Variants in CRY2 observed in about 807,000 individuals in gnomAD.
CRY2 encodes cryptochrome circadian regulator 2.
CRY2 carries 31 observed loss-of-function variants against 69.5 expected under a neutral mutation model. That is an observed-to-expected ratio of 0.45 (90% confidence interval 0.34 to 0.60). The LOEUF (loss-of-function observed/expected upper bound fraction) is 0.60. Ranked by LOEUF, CRY2 falls within the 20% of genes least tolerant of loss-of-function variation. The probability of loss-of-function intolerance (pLI) is 0.02; values close to 1 mark genes in which losing one functional copy is unlikely to be tolerated. For synonymous variants in CRY2, 303 were observed against 312.2 expected (o/e 0.97, Z 0.31); for missense variants, 606 against 797.8 (o/e 0.76, Z 2.90).
intron 5 of CRY2, among the ~76,000 whole-genome samples, chr11:45,865,071 T>C (rs2086319351): frequency 6.6e-6 from 1 of 152,064 alleles, no homozygotes; most frequent in Non-Finnish European, 1.5e-5. Flanking sequence ...GAAATAAAGT[T>C]TTTTAAATGG....
At chr11:45,875,001 A>G (rs1038918449) in intron 11 of CRY2, among the ~76,000 whole-genome samples, 1 of 152,188 alleles carries the variant, frequency 6.6e-6, no homozygotes, top group Admixed American at 6.5e-5. Context: ...AAAGTTGAGT[A>G]AGAAAGTAAG....
intron 4 of CRY2, chr11:45,861,470 C>A: frequency 6.0e-6 from 1 of 167,378 alleles, no homozygotes; most frequent in Non-Finnish European, 1.3e-5. Context: ...TAGACGGAGT[C>A]TGGCTCTGTT....
At chr11:45,871,231 G>T (rs1420398517) in intron 10 of CRY2, among the ~76,000 whole-genome samples, 5 of 152,198 alleles carry the variant, frequency 3.3e-5, no homozygotes, top group African/African-American at 4.8e-5. Flanking sequence ...GCAGGAGCCA[G>T]CCCTGCCACA....
At chr11:45,866,986 C>T (rs972063961) in intron 5 of CRY2, among the ~76,000 whole-genome samples, 3 of 152,092 alleles carry the variant, frequency 2.0e-5, no homozygotes, top group East Asian at 1.9e-4. Flanking sequence ...TAAAAAAAGT[C>T]GTGAGAGACT....
intron 3 of CRY2, among the ~76,000 whole-genome samples, chr11:45,859,188 C>T (rs988220233): frequency 2.6e-5 from 4 of 152,132 alleles, no homozygotes; most frequent in African/African-American, 9.7e-5. Context: ...CCACTTCCAT[C>T]CTGCTCAACA....
intron 11 of CRY2, among the ~76,000 whole-genome samples, chr11:45,879,281 T>C (rs542669713): frequency 1.2e-4 from 18 of 151,706 alleles, no homozygotes; most frequent in African/African-American, 4.3e-4. Flanking sequence ...AGGCACCCAC[T>C]CTTATGTCTG....
In CRY2 at chr11:45,854,675, C is replaced by A. The variant is rs569407133; in HGVS notation, c.216-1307C>A. On this transcript the variant is annotated intron_variant, in intron 1 of 11. Transcript: ENST00000616080. Reference sequence around the variant, plus strand: ...CTGCACTCCAGCCTGGGCGACAGAGCGAGACTCTGTCTCAAAAAGTAAATA... The same window carrying A: ...CTGCACTCCAGCCTGGGCGACAGAGAGAGACTCTGTCTCAAAAAGTAAATA... 2.0e-5 allele frequency among the ~76,000 whole-genome samples: 3 copies of A among 152,084 alleles called. No individual in the cohort carries two copies. In the East Asian group the frequency reaches 5.8e-4, roughly 29 times the overall value.
intron 2 of CRY2, among the ~76,000 whole-genome samples, chr11:45,857,290 A>G (rs904157647): frequency 1.3e-5 from 2 of 152,164 alleles, no homozygotes; most frequent in Non-Finnish European, 2.9e-5. Flanking sequence ...GGCTACTGCT[A>G]TCCCGATTTA....
intron 11 of CRY2, among the ~76,000 whole-genome samples, chr11:45,879,465 A>C (rs2086451310): frequency 6.6e-6 from 1 of 152,346 alleles, no homozygotes; most frequent in South Asian, 2.1e-4. Flanking sequence ...TGTCTGTTGG[A>C]TATTAGTCTT....
At chr11:45,880,031 C>T (rs2086458733) in intron 11 of CRY2, among the ~76,000 whole-genome samples, 1 of 152,222 alleles carries the variant, frequency 6.6e-6, no homozygotes, top group African/African-American at 2.4e-5. Context: ...AAGACCCTGT[C>T]TCCAAATACA....
intron 6 of CRY2, 72 bp downstream of exon 6, chr11:45,867,824 T>TA: frequency 6.3e-7 from 1 of 1,597,358 alleles, no homozygotes; most frequent in Non-Finnish European, 8.5e-7. Flanking sequence ...TCAGTCACCC[T>TA]AAAAAAGGCA....
upstream of CRY2, chr11:45,847,164 C>T (rs1187458558): frequency 6.5e-7 from 1 of 1,545,482 alleles, no homozygotes; most frequent in South Asian, 1.2e-5. Context: ...GTAAGAGATC[C>T]GCTGTCCCTT....
At chr11:45,847,147 G>C, upstream of CRY2, 1 of 1,536,832 alleles carries the variant, frequency 6.5e-7, no homozygotes, top group Non-Finnish European at 8.8e-7. Context: ...CCCTGAACAG[G>C]ACGTGGGTAA....
intron 6 of CRY2, among the ~76,000 whole-genome samples, chr11:45,868,142 A>C (rs2086346397): frequency 6.6e-6 from 1 of 152,160 alleles, no homozygotes; most frequent in Non-Finnish European, 1.5e-5. Flanking sequence ...CCCGCTCTGG[A>C]GCTGTGTCCA....
intron 6 of CRY2, 151 bp downstream of exon 6, chr11:45,867,903 G>A: frequency 1.0e-6 from 1 of 995,140 alleles, no homozygotes; most frequent in Non-Finnish European, 1.4e-6. Flanking sequence ...CGGAGGAGGA[G>A]AGAAGACTCA....
intron 3 of CRY2, among the ~76,000 whole-genome samples, chr11:45,859,240 A>C (rs903775105): frequency 3.9e-5 from 6 of 152,062 alleles, no homozygotes; most frequent in Non-Finnish European, 5.9e-5. Context: ...TTACCCCTCC[A>C]ACAGACCTCT....
At position 45,872,137 on chromosome 11, in the gene CRY2, T is replaced by G; in HGVS notation, c.1688T>G (p.Leu563Arg). The change falls in exon 11 of 12, where the codon CTG becomes CGG. Residue 563 changes from leucine (L) to arginine (R), a missense_variant. Around this residue, in one of 5 missense-constraint regions of CRY2, gnomAD observed 173 missense variants for 213.7 expected, o/e 0.81. Transcript: ENST00000616080. Reference protein sequence around the residue: ...PSGPASPKRKLEAAEEPPGEE... With the variant: ...PSGPASPKRKREAAEEPPGEE... ...GGCCCAGCATCCCCCAAACGCAAGC[T>G]GGAAGCAGCCGAGGAACCACCTGGT... The G allele has an allele frequency of 6.2e-7, 1 of 1,614,044 alleles. No individual in the cohort carries two copies. The highest frequency in any genetic ancestry group is 8.5e-7 in the Non-Finnish European group (1 of 1,180,006).
In CRY2 at chr11:45,881,361, G is replaced by GAA. The variant is rs1228062384; in HGVS notation, c.*451_*452insAA. ...GTTCTGGCTGTTGTCCAAAGCATGG[G>GAA]ATTCTGGAGGCAGCCAGAGCCCTGC... On this transcript the variant is annotated 3_prime_UTR_variant, in exon 12 of 12. Transcript: ENST00000616080. The GAA allele has an allele frequency of 6.5e-6, 1 of 152,698 alleles. No homozygotes were observed. The highest frequency in any genetic ancestry group is 1.5e-5 in the Non-Finnish European group (1 of 68,090). 9.5% of individuals were successfully genotyped at this position (152,698 alleles called of 1,614,324 possible).
chr11:45,872,111 T>C lies in CRY2; in HGVS notation c.1662T>C (p.Ser554=), dbSNP rs908801778. Residue 554 remains serine, a synonymous_variant, in exon 11 of 12, where the codon AGT becomes AGC. Transcript: ENST00000616080. The part of the protein sequence containing the change: ...MSSAGPRPLP[S]GPASPKRKLE... ...CTACAGGCCCAAGACCACTACCCAG[T>C]GGCCCAGCATCCCCCAAACGCAAGC... The C allele has an allele frequency of 2.5e-6, 4 of 1,613,928 alleles. No homozygotes were observed. The African/African-American group carries it at 5.3e-5, about 22-fold the overall frequency.
Sources: gnomAD v4.1 joint callset for allele counts (sites outside exome capture counted in the v4.1 genomes callset) on GRCh38, gnomAD v4.1.1 for gene constraint, gnomAD v4.1.1 regional missense constraint, MANE v1.5 for transcripts, NCBI Gene and HGNC (gene_info 2026-07-23, HGNC 2026-07-21) for gene names.